The following DGKZ variants were observed in gnomAD, a reference collection of about 807,000 sequenced individuals.
DGKZ encodes DAG kinase zeta.
In DGKZ, 45 loss-of-function variants were observed where a neutral mutation model predicts 142.5. The observed-to-expected ratio is 0.32, with a 90% CI of 0.25 to 0.40. DGKZ has a LOEUF of 0.40. Ranked by LOEUF, DGKZ falls within the 10% of genes least tolerant of loss-of-function variation. DGKZ has a pLI of 1.00. For synonymous variants in DGKZ, 442 were observed against 527.0 expected (o/e 0.84, Z 2.21); for missense variants, 755 against 1,306.5 (o/e 0.58, Z 6.51).
chr11:46,361,741 G>A (rs528918013), intron 1 of DGKZ: 773 of 924,224 alleles, frequency 8.4e-4, no homozygotes, highest in Non-Finnish European at 9.7e-4. Context: ...CTTGCTTTCT[G>A]CTTCCTCCCT....
Position 46,367,297 on chromosome 11 carries a change from C to T in DGKZ, c.168C>T (p.Ala56=). The T allele has an allele frequency of 1.2e-6, 2 of 1,611,894 alleles. No individual in the cohort carries two copies. The highest frequency in any genetic ancestry group is 1.7e-6 in the Non-Finnish European group (2 of 1,179,798). ...GCTGTCTTCTCCTCTCTAGGAAAGC[C>T]ATCACCAAGTCGGGCCTCCAGCACC... Residue 56 remains alanine (A), a synonymous_variant, in exon 2 of 31, where the codon GCC becomes GCT. Coordinates refer to ENST00000527911, the Ensembl canonical transcript of DGKZ. This position sits in a 1 kb window ranked among gnomAD's most constrained non-coding sequence, Gnocchi z 4.1.
At position 46,367,418 on chromosome 11, in the gene DGKZ, C is replaced by A; in HGVS notation, c.270+19C>A. On this transcript the variant is annotated intron_variant, in intron 2 of 30. Coordinates refer to ENST00000527911, the Ensembl canonical transcript of DGKZ. The surrounding 1 kb of genome is among the most constrained non-coding windows in gnomAD (Gnocchi z 4.1). ...CTGGAGCGTGAGTGCCTGAACACCC[C>A]TGGGTCCCAGACCCTCTGGGCTCTT... is the stretch of plus-strand genomic sequence containing the variant. 1 of 1,610,686 alleles carries A rather than the reference C, an allele frequency of 6.2e-7. No individual in the cohort carries two copies. The highest frequency in any genetic ancestry group is 2.2e-5 in the East Asian group (1 of 44,850).
intron 25 of DGKZ, 93 bp from the exon 26 acceptor site, chr11:46,378,105 T>C: frequency 6.7e-7 from 1 of 1,485,652 alleles, no homozygotes; most frequent in South Asian, 1.2e-5. Context: ...CAATAAACTG[T>C]GGAAAGGATG....
rs540776383 is a variant in DGKZ, at chr11:46,376,455, G to A, written c.2161+58G>A. The A allele has an allele frequency of 1.3e-5, 21 of 1,613,928 alleles. No homozygotes were observed. The Admixed American group carries it at 2.0e-4, about 15-fold the overall frequency. ...GTGTTCCCTCCCTAGGGGATCCCAG[G>A]TAGGGGCAGCAGAGGACCTGGGCCT... On this transcript the variant is annotated intron_variant, in intron 23 of 30. Transcript: ENST00000527911.
intron 14 of DGKZ, 26 bp downstream of exon 14, chr11:46,373,127 G>C: frequency 6.5e-7 from 1 of 1,530,004 alleles, no homozygotes; most frequent in East Asian, 2.5e-5. Flanking sequence ...TTGGTGGGGG[G>C]CAGGGCAGGT....
At chr11:46,378,630 A>T in intron 27 of DGKZ, 130 bp downstream of exon 27, 1 of 1,226,618 alleles carries the variant, frequency 8.2e-7, no homozygotes, top group Non-Finnish European at 1.2e-6. Flanking sequence ...CCTCTGTGGG[A>T]TCTCCAGTGA....
intron 1 of DGKZ, among the ~76,000 whole-genome samples, chr11:46,340,656 C>A (rs1233568972): frequency 6.6e-6 from 1 of 152,228 alleles, no homozygotes; most frequent in Non-Finnish European, 1.5e-5. Flanking sequence ...GGAACCTAGT[C>A]AAATGTCCAT....
chr11:46,376,940 A>C, intron 24 of DGKZ, 133 bp from the exon 25 acceptor site: 1 of 778,736 alleles, frequency 1.3e-6, no homozygotes. Flanking sequence ...AGGGACAGGC[A>C]GGGCCCCTTG....
Position 46,347,775 on chromosome 11 carries a change from G to C in DGKZ, c.116G>C (p.Arg39Pro). ...CCCGAGCCGGACAAGGCGCCGCGGC[G>C]ACTCAACAAGCGGCGCTTCCCGGGG... is the stretch of plus-strand genomic sequence containing the variant. Residue 39 changes from arginine to proline, a missense_variant, in exon 1 of 31, where the codon CGA (arginine) becomes CCA (proline). Arg to Pro is a moderately radical substitution (Grantham distance 103). Transcript: ENST00000527911. The surrounding 1 kb of genome is among the most constrained non-coding windows in gnomAD (Gnocchi z 6.4). 7.1e-7 allele frequency: 1 copy of C among 1,404,496 alleles called. No individual in the cohort carries two copies. Among genetic ancestry groups the C allele is most frequent in the Non-Finnish European group, 9.3e-7 (1 of 1,079,718 alleles). 87.0% of individuals were successfully genotyped at this position (1,404,496 alleles called of 1,614,324 possible). A position where few individuals can be genotyped will look rare whatever the true frequency, so the allele number is the denominator to read the frequency against.
intron 1 of DGKZ, among the ~76,000 whole-genome samples, chr11:46,341,350 C>T (rs1799486173): frequency 1.3e-5 from 2 of 152,136 alleles, no homozygotes; most frequent in African/African-American, 4.8e-5. Context: ...ACTAAGTGCA[C>T]AAAAAGTCAG....
intron 16 of DGKZ, 43 bp from the exon 17 acceptor site, chr11:46,374,561 A>G: frequency 6.2e-7 from 1 of 1,602,982 alleles, no homozygotes; most frequent in Non-Finnish European, 8.5e-7. Context: ...CTGGTGAGGA[A>G]AGATCTCTGT....
At chr11:46,336,053 G>A (rs1420760442) in intron 1 of DGKZ, among the ~76,000 whole-genome samples, 1 of 152,244 alleles carries the variant, frequency 6.6e-6, no homozygotes, top group Non-Finnish European at 1.5e-5. Flanking sequence ...TTTCCAGAGC[G>A]AAAAGGCTTT....
At chr11:46,374,956 T>G in exon 19 of DGKZ, 1 of 1,610,460 alleles carries the variant, frequency 6.2e-7, no homozygotes, top group Non-Finnish European at 8.5e-7. Flanking sequence ...CACCATGCCC[T>G]GGGGCCACCC....
Position 46,372,018 on chromosome 11 carries a change from T to A in DGKZ, c.832-57T>A. ...AGTCACCCAGGGGGCCTGCTAAGGA[T>A]GATGGTAGGGTGTCCTGGACGGGAA... is the stretch of plus-strand genomic sequence containing the variant. On this transcript the variant is annotated intron_variant, in intron 9 of 30. Coordinates refer to ENST00000527911, the Ensembl canonical transcript of DGKZ. The surrounding 1 kb of genome is among the most constrained non-coding windows in gnomAD (Gnocchi z 5.9). 6.6e-7 allele frequency: 1 copy of A among 1,509,314 alleles called. No individual in the cohort carries two copies. The highest frequency in any genetic ancestry group is 9.0e-7 in the Non-Finnish European group (1 of 1,105,084). The allele number at this position is 1,509,314 out of a possible 1,614,324, so 93.5% of individuals were successfully genotyped here. A position where few individuals can be genotyped will look rare whatever the true frequency, so the allele number is the denominator to read the frequency against.
chr11:46,377,076 C>T, exon 25 of DGKZ: 2 of 1,613,030 alleles, frequency 1.2e-6, no homozygotes, highest in Non-Finnish European at 1.7e-6. Flanking sequence ...CCCACAGGAG[C>T]ACCTCAACTA....
At position 46,372,993 on chromosome 11, in the gene DGKZ, C is replaced by G; in HGVS notation, c.1218C>G (p.Leu406=). Residue 406 remains leucine (L), a synonymous_variant, in exon 14 of 31, where the codon CTC becomes CTG. Coordinates refer to ENST00000527911, the Ensembl canonical transcript of DGKZ. The surrounding 1 kb of genome is among the most constrained non-coding windows in gnomAD (Gnocchi z 5.9). ...CAGATGAGCCTGTGTCCAAGATCCTCTCCCACGTGGAGGAGGGGAACGTGG... is the reference window on the plus strand; with the variant it reads ...CAGATGAGCCTGTGTCCAAGATCCTGTCCCACGTGGAGGAGGGGAACGTGG... 1 of 1,538,744 alleles carries G rather than the reference C, an allele frequency of 6.5e-7. No homozygotes were observed.
At chr11:46,373,614 C>T (rs1017797883) in intron 14 of DGKZ, among the ~76,000 whole-genome samples, 5 of 152,150 alleles carry the variant, frequency 3.3e-5, no homozygotes, top group Admixed American at 1.3e-4. Flanking sequence ...TCTCCTCCGT[C>T]AGCCTCCTGA....
chr11:46,344,759 C>T (rs1168587275), upstream of DGKZ, among the ~76,000 whole-genome samples: 1 of 152,134 alleles, frequency 6.6e-6, no homozygotes. Context: ...TGGCCTATTA[C>T]TCCACTTTAC....
intron 6 of DGKZ, 37 bp downstream of exon 6, chr11:46,370,046 C>T (rs2136475285): frequency 6.2e-7 from 1 of 1,612,060 alleles, no homozygotes. Flanking sequence ...CCACCTGCAC[C>T]TGCGGTCCTG....
Sources: gnomAD v4.1 joint callset for allele counts (sites outside exome capture counted in the v4.1 genomes callset) on GRCh38, gnomAD v4.1.1 for gene constraint, Gnocchi (gnomAD v3.1) non-coding constraint, MANE v1.5 for transcripts, NCBI Gene and HGNC (gene_info 2026-07-23, HGNC 2026-07-21) for gene names.